Variants in MYO16 observed in about 807,000 individuals in gnomAD.
The protein encoded by MYO16 is unconventional myosin-XVI.
Under a neutral mutation model 205.3 loss-of-function variants are expected in MYO16, and 94 were observed. That is an observed-to-expected ratio of 0.46 (90% CI 0.39 to 0.54). The LOEUF is 0.54. MYO16 is among the 20% of genes least tolerant of loss of function. The pLI, the probability that MYO16 is intolerant of heterozygous loss-of-function variation, is 0.00. For synonymous variants in MYO16, 988 were observed against 954.0 expected, an observed-to-expected ratio of 1.04 and a Z score of -0.66; for missense variants, 2,315 against 2,387.5, an observed-to-expected ratio of 0.97 and a Z score of 0.63.
chr13:108,639,327 CTG>C (rs1432779212), intron 1 of MYO16, among the ~76,000 whole-genome samples: 3 of 152,160 alleles, frequency 2.0e-5, no homozygotes, highest in African/African-American at 7.2e-5. Context: ...GTGAAAAATT[CTG>C]TGTTGCTTTG....
rs1884441164 is a variant in MYO16 at position 108,981,355 on chromosome 13, C to CA, written c.2370-11015dup. ...AAGAGAAGTGTCATGTGGTAAACTGCAAAAAAGTGATCCCAATTTTTATTA... is the reference window on the plus strand; with the variant it reads ...AAGAGAAGTGTCATGTGGTAAACTGCAAAAAAAGTGATCCCAATTTTTATTA... On this transcript the variant is annotated intron_variant, in intron 20 of 34. Transcript: ENST00000457511. Among the ~76,000 whole-genome samples the CA allele has an allele frequency of 2.0e-5, 3 of 152,160 alleles. No individual in the cohort carries two copies. The South Asian group carries it at 6.2e-4, about 31-fold the overall frequency.
intron 22 of MYO16, among the ~76,000 whole-genome samples, 188 bp downstream of exon 22, chr13:109,009,237 AT>A (rs927873846): frequency 6.6e-6 from 1 of 152,220 alleles, no homozygotes; most frequent in Non-Finnish European, 1.5e-5. Flanking sequence ...AGGATCACCA[AT>A]TCATTAAAAG....
chr13:109,179,106 A>G (rs766150706), intron 33 of MYO16, among the ~76,000 whole-genome samples: 1 of 152,146 alleles, frequency 6.6e-6, no homozygotes, highest in Non-Finnish European at 1.5e-5. Context: ...AGGCTTAGTT[A>G]TGCTCTGATT....
chr13:108,922,676 T>C (rs536400678), intron 16 of MYO16, among the ~76,000 whole-genome samples: 97 of 152,334 alleles, frequency 6.4e-4, no homozygotes, highest in East Asian at 3.1e-3. Context: ...GTAGGAGTTA[T>C]GGGTGGTTTT....
chr13:108,770,573 T>C (rs536296036), intron 4 of MYO16, among the ~76,000 whole-genome samples: 14 of 152,308 alleles, frequency 9.2e-5, no homozygotes, highest in African/African-American at 2.9e-4. Context: ...GCTTGCCTTT[T>C]CCAGTTCATA....
the MYO16 span, among the ~76,000 whole-genome samples, chr13:108,545,404 T>C: frequency 6.6e-6 from 1 of 152,298 alleles, no homozygotes; most frequent in South Asian, 2.1e-4. Flanking sequence ...CAGTCTACCA[T>C]TGGTGGGGAT....
intron 23 of MYO16, among the ~76,000 whole-genome samples, chr13:109,045,026 G>A (rs943023648): frequency 2.0e-5 from 3 of 152,152 alleles, no homozygotes; most frequent in African/African-American, 4.8e-5. Context: ...AATATTAACA[G>A]TGTGGTAATG....
intron 27 of MYO16, among the ~76,000 whole-genome samples, chr13:109,057,245 CAT>C (rs1258885095): frequency 6.6e-6 from 1 of 152,100 alleles, no homozygotes; most frequent in Non-Finnish European, 1.5e-5. Context: ...AAATAAACAA[CAT>C]ATGAGTTCAG....
intron 4 of MYO16, among the ~76,000 whole-genome samples, chr13:108,782,043 A>G (rs1370658428): frequency 6.6e-6 from 1 of 152,182 alleles, no homozygotes; most frequent in Non-Finnish European, 1.5e-5. Context: ...AGAGTGGGGC[A>G]TTGCTGAAAA....
intron 1 of MYO16, among the ~76,000 whole-genome samples, chr13:108,650,250 A>C (rs1472008098): frequency 1.3e-5 from 2 of 152,204 alleles, no homozygotes; most frequent in Non-Finnish European, 2.9e-5. Flanking sequence ...AATTAAAAAC[A>C]AAGAAATTTA....
chr13:108,725,585 G>A (rs1369676778), intron 3 of MYO16, among the ~76,000 whole-genome samples: 1 of 152,140 alleles, frequency 6.6e-6, no homozygotes, highest in Non-Finnish European at 1.5e-5. Flanking sequence ...ACGGTTTTCA[G>A]TCTGGTTGGC....
In MYO16 at chr13:108,866,192, A is replaced by C; in HGVS notation, c.1375A>C (p.Ile459Leu). ...TTTTTCACAGACATTCATTGGAGAC[A>C]TTCTTTTGCTTGTTAACCCATACAA... ...NNQIYTFIGD[I>L]LLLVNPYKEL... The change falls in exon 12 of 35, where the codon ATT becomes CTT. Residue 459 changes from isoleucine to leucine, a missense_variant. By Grantham distance (5) the Ile-to-Leu change is conservative. Transcript: ENST00000457511. The C allele has an allele frequency of 6.2e-7, 1 of 1,603,830 alleles. No individual in the cohort carries two copies.
At chr13:109,132,744 T>C (rs1177133569) in intron 31 of MYO16, among the ~76,000 whole-genome samples, 11 of 152,180 alleles carry the variant, frequency 7.2e-5, no homozygotes, top group Non-Finnish European at 4.4e-5. Context: ...AGAAATGTGT[T>C]ACTGGGAATA....
chr13:109,044,134 T>G (rs1432946416), intron 23 of MYO16, among the ~76,000 whole-genome samples: 1 of 145,344 alleles, frequency 6.9e-6, no homozygotes, highest in Non-Finnish European at 1.6e-5. Flanking sequence ...TGACTGACTA[T>G]GATGAAAAAA....
chr13:108,940,101 G>T (rs1042762877), intron 16 of MYO16, among the ~76,000 whole-genome samples: 2 of 152,086 alleles, frequency 1.3e-5, no homozygotes, highest in African/African-American at 2.4e-5. Context: ...CTCTTCCCAT[G>T]AAATTTCTGC....
At chr13:109,191,864 A>C (rs1047905638) in intron 34 of MYO16, among the ~76,000 whole-genome samples, 1 of 152,224 alleles carries the variant, frequency 6.6e-6, no homozygotes, top group Non-Finnish European at 1.5e-5. Context: ...TAATCTGTTC[A>C]GAGTATAAGT....
chr13:109,018,128 G>A (rs1015717226), intron 22 of MYO16, among the ~76,000 whole-genome samples: 3 of 152,146 alleles, frequency 2.0e-5, no homozygotes, highest in Admixed American at 1.3e-4. Context: ...CTTTGATGAT[G>A]GTGACCTACA....
chr13:108,537,626 A>C, the MYO16 span, among the ~76,000 whole-genome samples: 2 of 152,260 alleles, frequency 1.3e-5, no homozygotes, highest in East Asian at 3.9e-4. Flanking sequence ...ACAGTGGGTA[A>C]GCATTTCCTT....
At chr13:109,155,966 A>G (rs988702445) in intron 32 of MYO16, among the ~76,000 whole-genome samples, 1 of 152,222 alleles carries the variant, frequency 6.6e-6, no homozygotes, top group Non-Finnish European at 1.5e-5. Context: ...TCTATCATGT[A>G]AAAGAAAAAA....
Sources: allele counts gnomAD v4.1 joint callset (sites outside exome capture counted in the v4.1 genomes callset), GRCh38; gene constraint gnomAD v4.1.1; transcripts MANE v1.5; gene names NCBI Gene and HGNC (gene_info 2026-07-23, HGNC 2026-07-21).